Variants in NLRP4 observed in about 807,000 individuals in gnomAD.
NLRP4 encodes NLR family pyrin domain containing 4, also known as NACHT, LRR and PYD domains-containing protein 4.
A neutral mutation model predicts 84.7 loss-of-function variants in NLRP4; 44 were observed. The observed-to-expected ratio is 0.52, with a 90% CI of 0.41 to 0.67. The LOEUF is 0.67. Among genes scored for constraint, NLRP4 ranks in the 30% least tolerant of loss-of-function variants. The pLI is 0.00. For synonymous variants in NLRP4, 544 were observed against 476.4 expected (o/e 1.14, Z -1.85); for missense variants, 1,260 against 1,219.4 (o/e 1.03, Z -0.50).
chr19:55,852,862 A>C (rs1242745493), intron 2 of NLRP4, among the ~76,000 whole-genome samples: 1 of 152,194 alleles, frequency 6.6e-6, no homozygotes, highest in African/African-American at 2.4e-5. Context: ...ATTATGTCCT[A>C]ACCTGTATTG....
intron 6 of NLRP4, among the ~76,000 whole-genome samples, chr19:55,869,056 G>A (rs1055087997): frequency 1.3e-5 from 2 of 152,184 alleles, no homozygotes; most frequent in Admixed American, 6.5e-5. Flanking sequence ...GTGCCTGAGT[G>A]ATAAGGGACA....
intron 7 of NLRP4, among the ~76,000 whole-genome samples, 166 bp downstream of exon 7, chr19:55,871,163 AATCAGCACCCT>A (rs1985166759): frequency 6.6e-6 from 1 of 152,206 alleles, no homozygotes; most frequent in Non-Finnish European, 1.5e-5. Context: ...CATGTAAACA[AATCAGCACCCT>A]GACTTCTGTG....
chr19:55,879,805 A>G (rs545120499), intron 9 of NLRP4, among the ~76,000 whole-genome samples: 26 of 149,754 alleles, frequency 1.7e-4, no homozygotes, highest in African/African-American at 6.2e-4. Context: ...TGCCTAAATA[A>G]TTTTTTACCT....
At chr19:55,881,228 C>G (rs1178651869) in intron 9 of NLRP4, among the ~76,000 whole-genome samples, 1 of 150,448 alleles carries the variant, frequency 6.6e-6, no homozygotes. Context: ...GCCATGATTG[C>G]CTTGGAGAAT....
intron 7 of NLRP4, among the ~76,000 whole-genome samples, chr19:55,875,482 A>G (rs1385596188): frequency 6.6e-6 from 1 of 152,222 alleles, no homozygotes; most frequent in African/African-American, 2.4e-5. Context: ...TTACCTAGAA[A>G]TAGCTACTGT....
chr19:55,872,610 GA>G (rs914652044), intron 7 of NLRP4, among the ~76,000 whole-genome samples: 1 of 151,940 alleles, frequency 6.6e-6, no homozygotes, highest in African/African-American at 2.4e-5. Context: ...CATAATTAAA[GA>G]AAAAATTAGT....
At chr19:55,839,869 G>C (rs1038671990) in intron 1 of NLRP4, among the ~76,000 whole-genome samples, 1 of 151,988 alleles carries the variant, frequency 6.6e-6, no homozygotes, top group Non-Finnish European at 1.5e-5. Flanking sequence ...CATTTTTCCA[G>C]CTCCTGATTT....
chr19:55,857,004 A>G (rs531143970), intron 2 of NLRP4, among the ~76,000 whole-genome samples: 75 of 152,142 alleles, frequency 4.9e-4, no homozygotes, highest in Non-Finnish European at 9.4e-4. Context: ...TATATGTGAA[A>G]CCTATATGTG....
intron 1 of NLRP4, among the ~76,000 whole-genome samples, chr19:55,841,099 G>T (rs1352336584): frequency 1.3e-5 from 2 of 152,116 alleles, no homozygotes; most frequent in Non-Finnish European, 2.9e-5. Flanking sequence ...TCCAATCAGG[G>T]TAATTATCAT....
rs567797354 is a variant in NLRP4, at chr19:55,842,980, T to C, written c.-66+6046T>C. Among the ~76,000 whole-genome samples the C allele has an allele frequency of 1.1e-3, 159 of 151,174 alleles. 1 individual carries two copies. In the South Asian group the frequency reaches 0.012, roughly 12 times the overall value. On this transcript the variant is annotated intron_variant, in intron 1 of 9. Transcript: ENST00000301295. ...TTCACCGTGTTAGCCAGGATGGTCT[T>C]GATCTCCTGACCTCGTGATCCGCCC...
At chr19:55,864,830 A>G (rs1029059359) in intron 5 of NLRP4, among the ~76,000 whole-genome samples, 1 of 152,162 alleles carries the variant, frequency 6.6e-6, no homozygotes, top group Non-Finnish European at 1.5e-5. Context: ...CTTTTCCTGA[A>G]TGACTAATGA....
chr19:55,849,231 G>A (rs1459264787), intron 1 of NLRP4, among the ~76,000 whole-genome samples: 1 of 152,144 alleles, frequency 6.6e-6, no homozygotes, highest in African/African-American at 2.4e-5. Flanking sequence ...CTTTCAGCCT[G>A]CCCTGGGTTT....
chr19:55,866,404 G>A (rs560692833), intron 5 of NLRP4, among the ~76,000 whole-genome samples: 4 of 152,336 alleles, frequency 2.6e-5, no homozygotes, highest in East Asian at 1.9e-4. Context: ...CTGCAGAGGC[G>A]TGAGGAGCCA....
intron 3 of NLRP4, among the ~76,000 whole-genome samples, chr19:55,859,859 A>T (rs1019793824): frequency 3.9e-5 from 5 of 127,204 alleles, no homozygotes; most frequent in Non-Finnish European, 7.9e-5. Flanking sequence ...CCCGGGAGGC[A>T]GAGGTTGCAG....
At chr19:55,842,776 T>C (rs933631581) in intron 1 of NLRP4, among the ~76,000 whole-genome samples, 12 of 152,070 alleles carry the variant, frequency 7.9e-5, no homozygotes, top group African/African-American at 2.9e-4. Flanking sequence ...ATTTTTATTT[T>C]TGAGATGGAG....
intron 3 of NLRP4, among the ~76,000 whole-genome samples, chr19:55,860,813 AC>A (rs1431435842): frequency 2.0e-5 from 3 of 152,100 alleles, no homozygotes; most frequent in Non-Finnish European, 4.4e-5. Flanking sequence ...CCCCGTCTCT[AC>A]TAAAAATACA....
chr19:55,880,654 G>A (rs1015538648), intron 9 of NLRP4, among the ~76,000 whole-genome samples: 5 of 152,130 alleles, frequency 3.3e-5, no homozygotes, highest in African/African-American at 9.7e-5. Context: ...ACAGTTGCAC[G>A]CAAACAGATG....
chr19:55,881,458 A>G lies in NLRP4; in HGVS notation c.2868-12A>G. 1 of 1,369,512 alleles carries G rather than the reference A, an allele frequency of 7.3e-7. No homozygotes were observed. Among genetic ancestry groups the G allele is most frequent in the Non-Finnish European group, 1.0e-6 (1 of 962,954 alleles). 84.8% of individuals were successfully genotyped at this position (1,369,512 alleles called of 1,614,324 possible). ...TGAATTAAAAATAGAACCTCTTAAA[A>G]TATTTTACCAGGCTGAGAAAAACTG... is the stretch of plus-strand genomic sequence containing the variant. On this transcript the variant is annotated splice_polypyrimidine_tract_variant and intron_variant, in intron 9 of 9. Transcript: ENST00000301295.
intron 2 of NLRP4, among the ~76,000 whole-genome samples, chr19:55,856,493 T>C (rs1484099586): frequency 1.3e-5 from 2 of 150,296 alleles, no homozygotes; most frequent in South Asian, 2.1e-4. Context: ...TAGGGCTTGG[T>C]CATCACTGTT....
Sources: gnomAD v4.1 joint callset for allele counts (sites outside exome capture counted in the v4.1 genomes callset) on GRCh38, gnomAD v4.1.1 for gene constraint, MANE v1.5 for transcripts, NCBI Gene and HGNC (gene_info 2026-07-23, HGNC 2026-07-21) for gene names.